CSMD2: variants seen among roughly 807,000 people sequenced by gnomAD.
The protein encoded by CSMD2 is CUB and Sushi multiple domains 2, also known as CUB and sushi domain-containing protein 2.
A neutral mutation model predicts 398.5 loss-of-function variants in CSMD2; 130 were observed. The ratio of observed to expected loss-of-function variants is 0.33; its 90% confidence interval spans 0.28 to 0.38. The LOEUF (loss-of-function observed/expected upper bound fraction) is 0.38. Ranked by LOEUF, CSMD2 falls within the 10% of genes least tolerant of loss-of-function variation. CSMD2 has a pLI of 1.00. For missense variants in CSMD2, 3,829 were observed against 4,764.9 expected, an observed-to-expected ratio of 0.80 and a Z score of 5.78; for synonymous variants, 1,828 against 1,908.5, an observed-to-expected ratio of 0.96 and a Z score of 1.10.
chr1:34,126,841 C>A (rs1301944062), intron 1 of CSMD2, among the ~76,000 whole-genome samples: 1 of 150,040 alleles, frequency 6.7e-6, no homozygotes, highest in African/African-American at 2.5e-5. Flanking sequence ...GAGAGACGGG[C>A]AGGGGAGGGA....
intron 47 of CSMD2, among the ~76,000 whole-genome samples, chr1:33,581,750 A>AG (rs1249831521): frequency 1.3e-5 from 2 of 152,058 alleles, no homozygotes; most frequent in African/African-American, 2.4e-5. Flanking sequence ...TTGCATCCCG[A>AG]GGGGGCTGGT....
At chr1:34,058,960 G>A (rs748787060) in intron 2 of CSMD2, among the ~76,000 whole-genome samples, 5 of 152,086 alleles carry the variant, frequency 3.3e-5, no homozygotes, top group Admixed American at 6.5e-5. Flanking sequence ...TGCTTCTTAG[G>A]TGGCGGTCAG....
intron 44 of CSMD2, among the ~76,000 whole-genome samples, chr1:33,596,264 C>A (rs550468197): frequency 6.6e-6 from 1 of 152,126 alleles, no homozygotes; most frequent in African/African-American, 2.4e-5. Context: ...TCTGCTTGGG[C>A]TCCAATACCC....
At position 33,724,220 on chromosome 1, in the gene CSMD2, A is replaced by C. The variant is rs554050801; in HGVS notation, c.2978T>G (p.Ile993Ser). The change falls in exon 19 of 71, where the codon ATT becomes AGT. Residue 993 changes from isoleucine (I) to serine (S), a missense_variant. By Grantham distance (142) the Ile-to-Ser change is moderately radical. Transcript: ENST00000373381. ...ACCCTTGCCATGAGATGTTTCGATA[A>C]TCCAGGTGCAGTTCAAGTTGTTGGG... Reference protein sequence around the residue: ...FYPNNLNCTWIIETSHGKGVF... With the variant: ...FYPNNLNCTWSIETSHGKGVF... 1 of 1,613,466 alleles carries C rather than the reference A, an allele frequency of 6.2e-7. No homozygotes were observed. The highest frequency in any genetic ancestry group is 2.2e-5 in the East Asian group (1 of 44,856).
intron 3 of CSMD2, among the ~76,000 whole-genome samples, chr1:34,011,696 C>T (rs1223827711): frequency 6.6e-6 from 1 of 152,074 alleles, no homozygotes; most frequent in Non-Finnish European, 1.5e-5. Flanking sequence ...GTATCCATCC[C>T]CTCAGGCATG....
rs56338706 is a variant in CSMD2 at position 33,977,131 on chromosome 1, T to C, written c.518-41177A>G. On this transcript the variant is annotated intron_variant, in intron 3 of 70. Coordinates refer to ENST00000373381, the MANE Select transcript of CSMD2 (RefSeq NM_001281956.2). ...TGGAGGGAAACAATTCCACCTACTCTGAGCCAGATCCTGTCCAGGGTGCTG... is the reference window on the plus strand; with the variant it reads ...TGGAGGGAAACAATTCCACCTACTCCGAGCCAGATCCTGTCCAGGGTGCTG... Among the ~76,000 whole-genome samples the C allele has an allele frequency of 3.4e-4, 52 of 152,124 alleles. 1 individual carries two copies. Among genetic ancestry groups the C allele is most frequent in the African/African-American group, 1.3e-3 (52 of 41,510 alleles).
In CSMD2 at chr1:33,552,553, C is replaced by T. The variant is rs577549694; in HGVS notation, c.8744-2203G>A. On this transcript the variant is annotated intron_variant, in intron 55 of 70. Coordinates refer to ENST00000373381, the MANE Select transcript of CSMD2 (RefSeq NM_001281956.2). ...TAGTCCCAGTTCATCTATCAATTGT[C>T]GAATGCATAAACAAGATGTGGTATA... 5.8e-4 allele frequency among the ~76,000 whole-genome samples: 89 copies of T among 152,216 alleles called. 1 individual carries two copies. The South Asian group carries it at 7.9e-3, about 13-fold the overall frequency.
At chr1:33,557,236 AG>A (rs1375522495) in intron 55 of CSMD2, among the ~76,000 whole-genome samples, 1 of 152,184 alleles carries the variant, frequency 6.6e-6, no homozygotes, top group Non-Finnish European at 1.5e-5. Context: ...ACGCTCTGAG[AG>A]GTTAGTGAAT....
At chr1:34,142,970 A>G (rs748631780) in intron 1 of CSMD2, among the ~76,000 whole-genome samples, 1 of 152,152 alleles carries the variant, frequency 6.6e-6, no homozygotes, top group Non-Finnish European at 1.5e-5. Flanking sequence ...AACAGCTGTA[A>G]AAACATGATT....
intron 5 of CSMD2, among the ~76,000 whole-genome samples, chr1:33,893,847 A>G (rs367665783): frequency 6.6e-6 from 1 of 152,148 alleles, no homozygotes; most frequent in Admixed American, 6.5e-5. Context: ...CCAAATCTCA[A>G]TGGTTAATTG....
chr1:33,702,658 T>G (rs1645648402), intron 22 of CSMD2, among the ~76,000 whole-genome samples: 1 of 152,192 alleles, frequency 6.6e-6, no homozygotes, highest in African/African-American at 2.4e-5. Context: ...GTGTATATTT[T>G]TAAAGTCATT....
intron 5 of CSMD2, among the ~76,000 whole-genome samples, chr1:33,865,385 G>A (rs1305779179): frequency 7.0e-6 from 1 of 142,498 alleles, no homozygotes; most frequent in Non-Finnish European, 1.5e-5. Flanking sequence ...GAGGAGGCAA[G>A]GGGCAGATTT....
chr1:34,071,362 G>A (rs983573952), intron 2 of CSMD2, among the ~76,000 whole-genome samples: 1 of 152,220 alleles, frequency 6.6e-6, no homozygotes, highest in African/African-American at 2.4e-5. Context: ...CCAGTCAGCT[G>A]CAGCTCCTGG....
Position 33,658,154 on chromosome 1 carries a change from G to A in CSMD2, c.4256-17C>T, listed in dbSNP as rs763250340. On this transcript the variant is annotated splice_polypyrimidine_tract_variant and intron_variant, in intron 26 of 70. Coordinates refer to ENST00000373381, the MANE Select transcript of CSMD2 (RefSeq NM_001281956.2). ...CTGTGGACACTGGGGCAAGGAAATA[G>A]AAGAGAGGGTAAGGTCGCCTGGGTG... The A allele has an allele frequency of 1.9e-6, 3 of 1,607,104 alleles. No homozygotes were observed. The highest frequency in any genetic ancestry group is 1.7e-5 in the Admixed American group (1 of 59,870).
chr1:34,154,462 G>A (rs1640618083), intron 1 of CSMD2, among the ~76,000 whole-genome samples: 1 of 152,184 alleles, frequency 6.6e-6, no homozygotes, highest in African/African-American at 2.4e-5. Context: ...TTTTAGTGGT[G>A]GAGTAAGGGG....
chr1:33,840,053 C>G (rs1452243623), intron 6 of CSMD2: 1 of 152,188 alleles, frequency 6.6e-6, no homozygotes, highest in Non-Finnish European at 1.5e-5. Context: ...CAGTTAACCA[C>G]AGCAAAACTG....
intron 3 of CSMD2, among the ~76,000 whole-genome samples, chr1:34,004,441 T>G (rs1207785362): frequency 6.8e-6 from 1 of 147,236 alleles, no homozygotes; most frequent in Non-Finnish European, 1.5e-5. Flanking sequence ...AGCCACAGCT[T>G]TACCTAGTAA....
chr1:34,093,389 C>G (rs1227632215), intron 1 of CSMD2, among the ~76,000 whole-genome samples: 5 of 152,156 alleles, frequency 3.3e-5, no homozygotes, highest in Non-Finnish European at 4.4e-5. Flanking sequence ...TCACCAGCAA[C>G]GGAACAAAGC....
Position 33,571,709 on chromosome 1 carries a change from C to A in CSMD2, c.7780G>T (p.Val2594Phe). The A allele has an allele frequency of 6.6e-7, 1 of 1,509,510 alleles. No individual in the cohort carries two copies. The highest frequency in any genetic ancestry group is 9.0e-7 in the Non-Finnish European group (1 of 1,114,428). 93.5% of individuals were successfully genotyped at this position (1,509,510 alleles called of 1,614,324 possible). The change falls in exon 51 of 71, where the codon GTC becomes TTC. Residue 2594 changes from valine (V) to phenylalanine (F), a missense_variant. Transcript: ENST00000373381. ...CCATGCTCCACGCTGATGCTACTGA[C>A]ATCAGGACAAGTCACAGCTGGGGAA... ...PQCVPVTCPD[V>F]SSISVEHGRW...
Sources: allele counts gnomAD v4.1 joint callset (sites outside exome capture counted in the v4.1 genomes callset), GRCh38; gene constraint gnomAD v4.1.1; transcripts MANE v1.5; gene names NCBI Gene and HGNC (gene_info 2026-07-23, HGNC 2026-07-21).